Variants in GLRA2 observed in about 807,000 individuals in gnomAD.
GLRA2 encodes glycine receptor subunit alpha-2.
GLRA2 carries 11 observed loss-of-function variants against 31.6 expected under a neutral mutation model. That is an observed-to-expected ratio of 0.35 (90% CI 0.22 to 0.58). The LOEUF (loss-of-function observed/expected upper bound fraction) is 0.58. Among genes scored for constraint, GLRA2 ranks in the 20% least tolerant of loss-of-function variants. The probability of loss-of-function intolerance (pLI) is 0.84; values close to 1 mark genes in which losing one functional copy is unlikely to be tolerated. For missense variants in GLRA2, 212 were observed against 351.8 expected, an observed-to-expected ratio of 0.60 and a Z score of 3.18; for synonymous variants, 132 against 134.0, an observed-to-expected ratio of 0.99 and a Z score of 0.10.
At chrX:14,466,303 A>T in the GLRA2 span, among the ~76,000 whole-genome samples, 1 of 111,102 alleles carries the variant, frequency 9.0e-6, no homozygotes, top group Non-Finnish European at 1.9e-5. Flanking sequence ...CTCTTGAACA[A>T]CTAAATCTGT....
At chrX:14,493,257 A>G in the GLRA2 span, among the ~76,000 whole-genome samples, 2 of 110,501 alleles carry the variant, frequency 1.8e-5, no homozygotes, top group Admixed American at 9.7e-5. Flanking sequence ...TTTTATTATT[A>G]TTATACTTTA....
chrX:14,730,245 C>T lies in GLRA2; in HGVS notation c.1119C>T (p.Ser373=), dbSNP rs765737973. Residue 373 remains serine, a synonymous_variant, in exon 9 of 9, where the codon AGC becomes AGT. Transcript: ENST00000218075. The stretch of plus-strand genomic sequence containing the variant: ...CTCGTGAAAGTCGTTTTAATTTTAG[C>T]GGTTATGGGATGGGTCACTGCCTCC... ...DVTRESRFNF[S]GYGMGHCLQV... 12 of 1,196,000 alleles carry T rather than the reference C, an allele frequency of 1.0e-5. No individual in the cohort carries two copies. The highest frequency in any genetic ancestry group is 1.2e-5 in the Non-Finnish European group (11 of 883,141).
At chrX:14,590,481 G>A (rs2090134424) in intron 4 of GLRA2, among the ~76,000 whole-genome samples, 1 of 112,016 alleles carries the variant, frequency 8.9e-6, no homozygotes, top group South Asian at 3.7e-4. Context: ...TCTAACTTTA[G>A]TTATATATTT....
the GLRA2 span, among the ~76,000 whole-genome samples, chrX:14,523,466 CT>C: frequency 8.9e-6 from 1 of 112,168 alleles, no homozygotes; most frequent in African/African-American, 3.2e-5. Context: ...TCTTCACGAA[CT>C]TTTCCTTTGC....
At chrX:14,708,947 GA>G (rs1185979379) in intron 8 of GLRA2, among the ~76,000 whole-genome samples, 9 of 102,485 alleles carry the variant, frequency 8.8e-5, no homozygotes, top group Non-Finnish European at 1.4e-4. Flanking sequence ...CACACAAAAA[GA>G]AAAAAAAAAG....
chrX:14,632,573 A>G (rs1046174663), intron 7 of GLRA2, among the ~76,000 whole-genome samples: 1 of 111,806 alleles, frequency 8.9e-6, no homozygotes, highest in Admixed American at 9.5e-5. Flanking sequence ...GTTTTGTTCT[A>G]CAAAATGTTT....
chrX:14,628,397 C>G (rs1176673126), intron 7 of GLRA2, among the ~76,000 whole-genome samples: 3 of 111,216 alleles, frequency 2.7e-5, no homozygotes, highest in Non-Finnish European at 5.7e-5. Context: ...AACTACTATC[C>G]TAAGCTTCTA....
chrX:14,505,990 A>AT, the GLRA2 span, among the ~76,000 whole-genome samples: 3 of 110,868 alleles, frequency 2.7e-5, no homozygotes, highest in Non-Finnish European at 1.9e-5. Flanking sequence ...CATTACACCG[A>AT]TTTTTTCAGA....
chrX:14,456,794 T>C, the GLRA2 span, among the ~76,000 whole-genome samples: 1 of 112,288 alleles, frequency 8.9e-6, no homozygotes, highest in Non-Finnish European at 1.9e-5. Flanking sequence ...GTCTTGGCTA[T>C]TGCGAATAGT....
At chrX:14,669,648 C>G (rs943170816) in intron 7 of GLRA2, among the ~76,000 whole-genome samples, 1 of 112,168 alleles carries the variant, frequency 8.9e-6, no homozygotes, top group Admixed American at 9.4e-5. Flanking sequence ...ACAGCCTGAG[C>G]TCTATGTTGG....
At chrX:14,493,622 C>CACATATAT in the GLRA2 span, among the ~76,000 whole-genome samples, 3 of 96,198 alleles carry the variant, frequency 3.1e-5, no homozygotes, top group Non-Finnish European at 5.9e-5. Context: ...CACATATATA[C>CACATATAT]ACATATATAC....
At chrX:14,492,701 TATAAA>T in the GLRA2 span, among the ~76,000 whole-genome samples, 1 of 111,740 alleles carries the variant, frequency 8.9e-6, no homozygotes, top group African/African-American at 3.3e-5. Flanking sequence ...TGCAGTTTCT[TATAAA>T]GTTAAAGAAC....
the GLRA2 span, among the ~76,000 whole-genome samples, chrX:14,481,640 A>G: frequency 8.9e-6 from 1 of 112,062 alleles, no homozygotes; most frequent in Admixed American, 9.5e-5. Context: ...TTACTTATCT[A>G]AACTGGATAT....
chrX:14,458,282 T>G, the GLRA2 span, among the ~76,000 whole-genome samples: 1 of 111,818 alleles, frequency 8.9e-6, no homozygotes, highest in Non-Finnish European at 1.9e-5. Flanking sequence ...TGTTGGACAT[T>G]TGGGTTGGTT....
intron 2 of GLRA2, among the ~76,000 whole-genome samples, chrX:14,571,056 A>C (rs1601721881): frequency 9.0e-6 from 1 of 111,079 alleles, no homozygotes; most frequent in East Asian, 2.8e-4. Flanking sequence ...GGAAGGGGGG[A>C]GCAGGAAGAA....
At chrX:14,554,841 C>T (rs1234748403) in intron 2 of GLRA2, among the ~76,000 whole-genome samples, 1 of 111,530 alleles carries the variant, frequency 9.0e-6, no homozygotes, top group East Asian at 2.8e-4. Flanking sequence ...TGAACCTCTA[C>T]AGGACAGAAT....
At chrX:14,468,222 C>A in the GLRA2 span, among the ~76,000 whole-genome samples, 537 of 112,035 alleles carry the variant, frequency 4.8e-3, 6 homozygotes, top group African/African-American at 0.016. Context: ...ATTTCAATGC[C>A]AAAGCTGCTA....
chrX:14,472,919 G>A, the GLRA2 span, among the ~76,000 whole-genome samples: 3 of 111,371 alleles, frequency 2.7e-5, no homozygotes, highest in Admixed American at 9.6e-5. Flanking sequence ...AAGAGAGAGA[G>A]TAGAGTTCTG....
chrX:14,619,288 G>A (rs2090489247), intron 7 of GLRA2, among the ~76,000 whole-genome samples: 1 of 110,681 alleles, frequency 9.0e-6, no homozygotes, highest in African/African-American at 3.3e-5. Context: ...TCTTCCCGTA[G>A]CTCCCTGTTG....
Sources: gnomAD v4.1 joint callset for allele counts (sites outside exome capture counted in the v4.1 genomes callset) on GRCh38, gnomAD v4.1.1 for gene constraint, MANE v1.5 for transcripts, NCBI Gene and HGNC (gene_info 2026-07-23, HGNC 2026-07-21) for gene names.